The following SYDE2 variants were observed in gnomAD, a reference collection of about 807,000 sequenced individuals.
SYDE2 encodes the protein rho GTPase-activating protein SYDE2.
A neutral mutation model predicts 91.5 loss-of-function variants in SYDE2; 76 were observed. The ratio of observed to expected loss-of-function variants is 0.83; its 90% CI spans 0.69 to 1.01. SYDE2 has a LOEUF of 1.01. Ranked by LOEUF, SYDE2 falls within the 50% of genes least tolerant of loss-of-function variation. The pLI, the probability that SYDE2 is intolerant of heterozygous loss-of-function variation, is 0.00. For missense variants in SYDE2, 1,364 were observed against 1,367.7 expected, an observed-to-expected ratio of 1.00 and a Z score of 0.04; for synonymous variants, 513 against 506.4, an observed-to-expected ratio of 1.01 and a Z score of -0.18.
chr1:85,155,968 CA>C (rs199813509), downstream of SYDE2, among the ~76,000 whole-genome samples: 26 of 151,840 alleles, frequency 1.7e-4, no homozygotes, highest in East Asian at 5.0e-3. Context: ...GTCAATGGAT[CA>C]AAAAAATTAT....
intron 6 of SYDE2, among the ~76,000 whole-genome samples, chr1:85,161,840 C>CA (rs1657074569): frequency 6.6e-6 from 1 of 151,536 alleles, no homozygotes; most frequent in African/African-American, 2.4e-5. Context: ...GTATTATTTT[C>CA]AGTATTCTTA....
In SYDE2 at chr1:85,182,963, G is replaced by A. The variant is rs767184077; in HGVS notation, c.1679C>T (p.Ser560Phe). The change falls in exon 3 of 7, where the codon TCT (serine) becomes TTT (phenylalanine). Residue 560 changes from serine to phenylalanine, a missense_variant. By Grantham distance (155) the Ser-to-Phe change is radical. Transcript: ENST00000341460. ...TTCTCGGCAGTTATATTTAGACAAA[G>A]AAGGAGTATTATCTGGACTGTTTAT... is the stretch of plus-strand genomic sequence containing the variant. ...NYINSPDNTP[S>F]LSKYNCREVH... is the part of the protein sequence containing the mutation. 1 of 1,613,708 alleles carries A rather than the reference G, an allele frequency of 6.2e-7. No individual in the cohort carries two copies. The highest frequency in any genetic ancestry group is 8.5e-7 in the Non-Finnish European group (1 of 1,179,788).
intron 3 of SYDE2, among the ~76,000 whole-genome samples, chr1:85,179,627 G>C (rs1375308999): frequency 6.6e-6 from 1 of 152,164 alleles, no homozygotes; most frequent in African/African-American, 2.4e-5. Flanking sequence ...TTCACATTGA[G>C]AATGGAATGA....
intron 6 of SYDE2, among the ~76,000 whole-genome samples, chr1:85,163,139 C>T (rs10873690): frequency 0.55 from 81,262 of 148,190 alleles, 24,363 homozygotes; most frequent in South Asian, 0.7. Flanking sequence ...CGGAGTCTCA[C>T]GCTGTCCCCC....
chr1:85,178,967 T>C (rs1300921586), intron 3 of SYDE2, among the ~76,000 whole-genome samples: 1 of 152,110 alleles, frequency 6.6e-6, no homozygotes, highest in Non-Finnish European at 1.5e-5. Context: ...ATTGAAAAGA[T>C]TTGTCTTTAA....
chr1:85,160,895 C>A (rs1247655424), intron 6 of SYDE2: 1 of 985,240 alleles, frequency 1.0e-6, no homozygotes, highest in African/African-American at 1.7e-5. Flanking sequence ...TAAGACCCTA[C>A]TGAAACATTG....
At chr1:85,155,004 T>C (rs1250061348), downstream of SYDE2, among the ~76,000 whole-genome samples, 2 of 25,024 alleles carry the variant, frequency 8.0e-5, no homozygotes, top group Non-Finnish European at 1.7e-4. Context: ...CAAGAAAGAA[T>C]GCAGCAAAAA....
At chr1:85,193,191 A>G (rs1473225480) in intron 1 of SYDE2, among the ~76,000 whole-genome samples, 2 of 152,194 alleles carry the variant, frequency 1.3e-5, no homozygotes, top group Non-Finnish European at 1.5e-5. Flanking sequence ...CTCAGCAATC[A>G]CTGGGGTTTC....
At chr1:85,176,153 G>A (rs1458215541) in intron 4 of SYDE2, among the ~76,000 whole-genome samples, 1 of 137,974 alleles carries the variant, frequency 7.2e-6, no homozygotes, top group Non-Finnish European at 1.5e-5. Context: ...TTTATAGAGT[G>A]TACTTGCTGG....
At chr1:85,192,034 T>C (rs1306395639) in intron 1 of SYDE2, among the ~76,000 whole-genome samples, 1 of 152,130 alleles carries the variant, frequency 6.6e-6, no homozygotes, top group Non-Finnish European at 1.5e-5. Context: ...TGGAATTATA[T>C]GGTCAACTCA....
chr1:85,182,215 T>A lies in SYDE2; in HGVS notation c.2427A>T (p.Gln809His). 6.2e-7 allele frequency: 1 copy of A among 1,609,832 alleles called. No homozygotes were observed. The highest frequency in any genetic ancestry group is 8.5e-7 in the Non-Finnish European group (1 of 1,178,190). The change falls in exon 3 of 7, where the codon CAA (glutamine) becomes CAT (histidine). Residue 809 changes from glutamine (Q) to histidine (H), a missense_variant. Gln to His is a conservative substitution (Grantham distance 24, BLOSUM62 0). Coordinates refer to ENST00000341460, the MANE Select transcript of SYDE2 (RefSeq NM_032184.2). Reference protein sequence around the residue: ...ENSLHGLDINQEPIIFGVDIQ... With the variant: ...ENSLHGLDINHEPIIFGVDIQ... ...TATCAACTCCAAATATTATTGGTTC[T>A]TGGTTTATATCTAGTCCATGAAGAG... is the stretch of plus-strand genomic sequence containing the variant.
At chr1:85,161,366 A>G (rs539232256) in intron 6 of SYDE2, among the ~76,000 whole-genome samples, 1 of 152,350 alleles carries the variant, frequency 6.6e-6, no homozygotes, top group Non-Finnish European at 1.5e-5. Context: ...AAGATGAAAT[A>G]AAAAGAAATA....
chr1:85,163,612 G>A (rs995192292), intron 6 of SYDE2, among the ~76,000 whole-genome samples: 2 of 151,616 alleles, frequency 1.3e-5, no homozygotes, highest in Non-Finnish European at 2.9e-5. Flanking sequence ...GAGCAAACTG[G>A]GAGTTGAAGA....
chr1:85,162,655 C>A (rs1657105855), intron 6 of SYDE2, among the ~76,000 whole-genome samples: 1 of 152,190 alleles, frequency 6.6e-6, no homozygotes, highest in South Asian at 2.1e-4. Context: ...AAATCTGAAC[C>A]TGCTTTTTCT....
chr1:85,183,257 T>A (rs924659993), intron 2 of SYDE2, 57 bp from the exon 3 acceptor site: 5 of 1,446,436 alleles, frequency 3.5e-6, no homozygotes, highest in Non-Finnish European at 4.6e-6. Flanking sequence ...TTTCTTTTAT[T>A]CTTATTTTAT....
At chr1:85,168,804 A>G (rs533229796) in intron 5 of SYDE2, among the ~76,000 whole-genome samples, 4 of 152,226 alleles carry the variant, frequency 2.6e-5, no homozygotes, top group Non-Finnish European at 5.9e-5. Context: ...CAATTAAAAA[A>G]ACTTCAGTGA....
intron 5 of SYDE2, among the ~76,000 whole-genome samples, chr1:85,166,612 T>C (rs1248696957): frequency 6.6e-6 from 1 of 151,552 alleles, no homozygotes. Context: ...TGTTTGGCTA[T>C]GAAGGGAAGG....
intron 4 of SYDE2, among the ~76,000 whole-genome samples, chr1:85,170,300 A>G (rs752561991): frequency 3.3e-5 from 5 of 151,808 alleles, no homozygotes; most frequent in Non-Finnish European, 5.9e-5. Flanking sequence ...GTGTCTCACT[A>G]TACTTCCCAG....
At chr1:85,169,728 T>C (rs1349072178) in intron 4 of SYDE2, among the ~76,000 whole-genome samples, 1 of 152,170 alleles carries the variant, frequency 6.6e-6, no homozygotes, top group African/African-American at 2.4e-5. Flanking sequence ...AACCGATATA[T>C]TGGATGGCTG....
Sources: gnomAD v4.1 joint callset for allele counts (sites outside exome capture counted in the v4.1 genomes callset) on GRCh38, gnomAD v4.1.1 for gene constraint, MANE v1.5 for transcripts, NCBI Gene and HGNC (gene_info 2026-07-23, HGNC 2026-07-21) for gene names.